Variants in PTPRT observed in about 807,000 individuals in gnomAD.
PTPRT encodes the protein receptor-type tyrosine-protein phosphatase T.
Under a neutral mutation model 176.8 loss-of-function variants are expected in PTPRT, and 56 were observed. The observed-to-expected ratio is 0.32, with a 90% confidence interval of 0.26 to 0.40. The LOEUF is 0.40. Ranked by LOEUF, PTPRT falls within the 10% of genes least tolerant of loss-of-function variation. The pLI, the probability that PTPRT is intolerant of heterozygous loss-of-function variation, is 1.00. For missense variants in PTPRT, 1,540 were observed against 1,908.2 expected, an observed-to-expected ratio of 0.81 and a Z score of 3.60; for synonymous variants, 783 against 739.0, an observed-to-expected ratio of 1.06 and a Z score of -0.96.
intron 1 of PTPRT, among the ~76,000 whole-genome samples, chr20:42,938,638 T>C (rs1980353737): frequency 6.6e-6 from 1 of 152,154 alleles, no homozygotes. Context: ...TCTCACTTAA[T>C]AAGGAGTTGT....
At chr20:42,494,168 A>G (rs1251465142) in intron 7 of PTPRT, among the ~76,000 whole-genome samples, 2 of 152,292 alleles carry the variant, frequency 1.3e-5, no homozygotes, top group East Asian at 3.9e-4. Context: ...GCTGTATATT[A>G]TGGTTAGAGA....
intron 9 of PTPRT, among the ~76,000 whole-genome samples, chr20:42,388,113 C>T (rs1000538366): frequency 1.3e-5 from 2 of 152,100 alleles, no homozygotes; most frequent in African/African-American, 2.4e-5. Flanking sequence ...TTCTTCAGTG[C>T]ATAGGACAGT....
intron 8 of PTPRT, among the ~76,000 whole-genome samples, chr20:42,471,486 C>A (rs960052214): frequency 1.3e-5 from 2 of 152,138 alleles, no homozygotes; most frequent in African/African-American, 4.8e-5. Flanking sequence ...TGTTCCTGCT[C>A]CTACTTCATC....
chr20:42,045,977 C>A, the PTPRT span, among the ~76,000 whole-genome samples: 1 of 152,116 alleles, frequency 6.6e-6, no homozygotes, highest in Admixed American at 6.5e-5. Context: ...CAATATTTAC[C>A]CCTCAACTAC....
intron 1 of PTPRT, among the ~76,000 whole-genome samples, chr20:43,078,780 T>G (rs1319804598): frequency 1.3e-5 from 2 of 152,204 alleles, no homozygotes; most frequent in Non-Finnish European, 2.9e-5. Context: ...TTAATCATAC[T>G]TTTCTGGCAA....
At position 43,073,199 on chromosome 20, in the gene PTPRT, C is replaced by T. The variant is rs574831649; in HGVS notation, c.88+116447G>A. Among the ~76,000 whole-genome samples the T allele has an allele frequency of 3.3e-5, 5 of 152,252 alleles. No homozygotes were observed. In the East Asian group the frequency reaches 7.7e-4, roughly 23 times the overall value. On this transcript the variant is annotated intron_variant, in intron 1 of 30. Transcript: ENST00000373187. ...TAAAGGAGAAAATGCAATCAGCTACCTAGAGATAGACTCTCTTCCTCCATG... is the reference window on the plus strand; with the variant it reads ...TAAAGGAGAAAATGCAATCAGCTACTTAGAGATAGACTCTCTTCCTCCATG...
intron 1 of PTPRT, among the ~76,000 whole-genome samples, chr20:42,908,219 G>A (rs1197294417): frequency 6.6e-6 from 1 of 152,068 alleles, no homozygotes; most frequent in African/African-American, 2.4e-5. Flanking sequence ...CCTTGGACAA[G>A]TCACTTAACC....
At chr20:43,099,253 G>C (rs1375443891) in intron 1 of PTPRT, among the ~76,000 whole-genome samples, 1 of 152,168 alleles carries the variant, frequency 6.6e-6, no homozygotes, top group African/African-American at 2.4e-5. Context: ...GAATCTCATA[G>C]TTCACAAAAT....
At chr20:43,081,789 T>C (rs1333209141) in intron 1 of PTPRT, among the ~76,000 whole-genome samples, 4 of 152,200 alleles carry the variant, frequency 2.6e-5, no homozygotes, top group African/African-American at 9.6e-5. Flanking sequence ...GGATTGTTAA[T>C]TGTGTTTTTC....
intron 9 of PTPRT, among the ~76,000 whole-genome samples, chr20:42,428,425 C>T (rs1345615445): frequency 1.3e-5 from 2 of 152,230 alleles, no homozygotes; most frequent in African/African-American, 4.8e-5. Flanking sequence ...TCCATTTTGA[C>T]ATTTCTGTGC....
chr20:42,042,715 A>G, the PTPRT span, among the ~76,000 whole-genome samples: 1 of 152,036 alleles, frequency 6.6e-6, no homozygotes, highest in African/African-American at 2.4e-5. Flanking sequence ...TCACTGTTTC[A>G]CTCACTCACT....
intron 6 of PTPRT, among the ~76,000 whole-genome samples, chr20:42,708,988 G>A (rs2076102492): frequency 1.3e-5 from 2 of 152,228 alleles, no homozygotes; most frequent in African/African-American, 4.8e-5. Context: ...TGCAAATGGA[G>A]GCTGCCAGGT....
At chr20:42,637,034 G>A (rs1569041842) in intron 7 of PTPRT, among the ~76,000 whole-genome samples, 1 of 152,096 alleles carries the variant, frequency 6.6e-6, no homozygotes, top group East Asian at 1.9e-4. Flanking sequence ...AGAGCACACA[G>A]CCATAGTCGA....
chr20:42,684,162 G>A (rs1029155472), intron 6 of PTPRT, among the ~76,000 whole-genome samples: 1 of 152,118 alleles, frequency 6.6e-6, no homozygotes, highest in Admixed American at 6.6e-5. Context: ...AGACCAGCCT[G>A]ACCAACATGG....
intron 21 of PTPRT, among the ~76,000 whole-genome samples, chr20:42,117,555 G>C (rs1987350896): frequency 6.6e-6 from 1 of 152,220 alleles, no homozygotes; most frequent in Admixed American, 6.5e-5. Context: ...TCAAGATTTA[G>C]AGGTCAGGGG....
intron 7 of PTPRT, among the ~76,000 whole-genome samples, chr20:42,550,793 A>G (rs1326684915): frequency 6.6e-6 from 1 of 152,156 alleles, no homozygotes; most frequent in Non-Finnish European, 1.5e-5. Context: ...AAAACACTGA[A>G]AGGAAATAAG....
chr20:42,498,849 G>C (rs1449272811), intron 7 of PTPRT, among the ~76,000 whole-genome samples: 1 of 152,024 alleles, frequency 6.6e-6, no homozygotes, highest in Non-Finnish European at 1.5e-5. Context: ...CACTCTACCC[G>C]GCTTTGAGAT....
the PTPRT span, among the ~76,000 whole-genome samples, chr20:42,044,163 C>G: frequency 6.6e-6 from 1 of 152,166 alleles, no homozygotes; most frequent in African/African-American, 2.4e-5. Context: ...GAGGGGTAAG[C>G]CAAGGGCTTA....
intron 16 of PTPRT, among the ~76,000 whole-genome samples, chr20:42,195,865 G>C (rs968389070): frequency 1.3e-5 from 2 of 151,996 alleles, no homozygotes; most frequent in Non-Finnish European, 2.9e-5. Context: ...TTTGTCCCTG[G>C]CCTTTAAAAC....
Sources: gnomAD v4.1 joint callset for allele counts (sites outside exome capture counted in the v4.1 genomes callset) on GRCh38, gnomAD v4.1.1 for gene constraint, MANE v1.5 for transcripts, NCBI Gene and HGNC (gene_info 2026-07-23, HGNC 2026-07-21) for gene names.